Variants in ANKRD44 observed in about 807,000 individuals in gnomAD.
The protein encoded by ANKRD44 is serine/threonine-protein phosphatase 6 regulatory ankyrin repeat subunit B.
Under a neutral mutation model 116.0 loss-of-function variants are expected in ANKRD44, and 35 were observed. The observed-to-expected ratio is 0.30, with a 90% CI of 0.23 to 0.40. The LOEUF (loss-of-function observed/expected upper bound fraction) is 0.40. Among genes scored for constraint, ANKRD44 ranks in the 10% least tolerant of loss-of-function variants. ANKRD44 has a pLI of 1.00. For missense variants in ANKRD44, 1,014 were observed against 1,242.6 expected (o/e 0.82, Z 2.77); for synonymous variants, 435 against 461.8 (o/e 0.94, Z 0.74).
intron 1 of ANKRD44, among the ~76,000 whole-genome samples, chr2:197,224,778 T>C (rs967338778): frequency 6.6e-6 from 1 of 152,240 alleles, no homozygotes; most frequent in African/African-American, 2.4e-5. Flanking sequence ...TTGGTAATGA[T>C]GATAAACATT....
chr2:196,995,460 C>A lies in ANKRD44; in HGVS notation c.2750G>T (p.Gly917Val). The change falls in exon 26 of 28, where the codon GGT becomes GTT. Residue 917 changes from glycine (G) to valine (V), a missense_variant and splice_region_variant. Coordinates refer to ENST00000282272, the MANE Select transcript of ANKRD44 (RefSeq NM_001195144.2). ...TATTAACAAGGCACATTTTTCATGA[C>A]CCTAATAAAGAAAAAGAATGATAAG... ...NTPLHLACSK[G>V]HEKCALLILD... 1 of 1,597,230 alleles carries A rather than the reference C, an allele frequency of 6.3e-7. No individual in the cohort carries two copies. The highest frequency in any genetic ancestry group is 8.5e-7 in the Non-Finnish European group (1 of 1,171,126).
chr2:197,290,797 G>T (rs1018643273), intron 1 of ANKRD44, among the ~76,000 whole-genome samples: 9 of 148,926 alleles, frequency 6.0e-5, no homozygotes, highest in Non-Finnish European at 1.0e-4. Flanking sequence ...TTTTTTGTTT[G>T]TTTGTTTTTT....
At chr2:197,202,602 T>C (rs1267399086) in intron 1 of ANKRD44, among the ~76,000 whole-genome samples, 1 of 151,338 alleles carries the variant, frequency 6.6e-6, no homozygotes. Context: ...AGATAGGGTC[T>C]TGCTCTGTCC....
intron 2 of ANKRD44, among the ~76,000 whole-genome samples, chr2:197,154,219 G>T (rs1203571664): frequency 4.1e-5 from 5 of 122,498 alleles, no homozygotes; most frequent in Non-Finnish European, 7.9e-5. Flanking sequence ...TCGCTCTGTC[G>T]CCCAGGCTGG....
intron 2 of ANKRD44, among the ~76,000 whole-genome samples, chr2:197,153,594 T>C (rs1380051890): frequency 1.3e-5 from 2 of 152,172 alleles, no homozygotes; most frequent in African/African-American, 2.4e-5. Context: ...AGAAAACAAA[T>C]GCCATGCTTC....
chr2:197,247,860 A>G (rs1266295148), intron 1 of ANKRD44, among the ~76,000 whole-genome samples: 3 of 152,214 alleles, frequency 2.0e-5, no homozygotes, highest in African/African-American at 7.2e-5. Context: ...CCAAGAGTCC[A>G]AACTAGGCTG....
chr2:197,092,962 T>C (rs1458165839), intron 10 of ANKRD44, among the ~76,000 whole-genome samples: 3 of 152,198 alleles, frequency 2.0e-5, no homozygotes, highest in African/African-American at 7.2e-5. Context: ...AAGGCAAAAC[T>C]ATGTGATTAA....
At chr2:196,982,107 A>ATT (rs200023514), downstream of ANKRD44, among the ~76,000 whole-genome samples, 660 of 10,832 alleles carry the variant, frequency 0.061, 39 homozygotes, top group East Asian at 0.2. Context: ...ACTAAAAAAA[A>ATT]TTATATATAT....
chr2:197,191,043 A>G (rs1304389199), intron 1 of ANKRD44, among the ~76,000 whole-genome samples: 1 of 152,256 alleles, frequency 6.6e-6, no homozygotes, highest in Non-Finnish European at 1.5e-5. Flanking sequence ...ATCATTGATC[A>G]TCATCCCCTA....
At chr2:197,225,047 G>A (rs113882589) in intron 1 of ANKRD44, among the ~76,000 whole-genome samples, 7 of 152,298 alleles carry the variant, frequency 4.6e-5, no homozygotes, top group African/African-American at 1.4e-4. Flanking sequence ...TGTGTGTGAT[G>A]GGGAGGGAGA....
At chr2:197,101,277 A>G (rs1312323855) in intron 9 of ANKRD44, among the ~76,000 whole-genome samples, 1 of 152,098 alleles carries the variant, frequency 6.6e-6, no homozygotes, top group African/African-American at 2.4e-5. Flanking sequence ...TTGGAGCCCA[A>G]ATCACGAGTT....
intron 20 of ANKRD44, among the ~76,000 whole-genome samples, 182 bp downstream of exon 20, chr2:197,007,624 C>T (rs532137564): frequency 5.9e-5 from 9 of 152,238 alleles, no homozygotes; most frequent in East Asian, 5.8e-4. Context: ...TTTGCCTTTG[C>T]CAAGGATTTT....
chr2:197,206,419 C>T (rs565794993), intron 1 of ANKRD44, among the ~76,000 whole-genome samples: 1 of 152,272 alleles, frequency 6.6e-6, no homozygotes, highest in South Asian at 2.1e-4. Context: ...CGTAGTGGCT[C>T]GTGCCTGTAA....
chr2:197,108,410 A>G (rs551815956), intron 9 of ANKRD44, among the ~76,000 whole-genome samples: 2 of 152,320 alleles, frequency 1.3e-5, no homozygotes, highest in Admixed American at 6.5e-5. Context: ...ATCCTTATCA[A>G]TTCAGGCCCC....
At chr2:197,291,375 T>C (rs1318257118) in intron 1 of ANKRD44, among the ~76,000 whole-genome samples, 6 of 152,066 alleles carry the variant, frequency 3.9e-5, no homozygotes, top group African/African-American at 1.4e-4. Flanking sequence ...CTGGGCATGG[T>C]GGTGGGCCCC....
intron 21 of ANKRD44, among the ~76,000 whole-genome samples, chr2:196,980,385 A>G (rs1053743594): frequency 2.0e-5 from 3 of 152,254 alleles, no homozygotes; most frequent in Non-Finnish European, 4.4e-5. Context: ...AGAATGTGAA[A>G]TAAAACATGG....
At chr2:197,275,140 G>A (rs1446645618) in intron 1 of ANKRD44, among the ~76,000 whole-genome samples, 1 of 150,820 alleles carries the variant, frequency 6.6e-6, no homozygotes, top group Admixed American at 6.6e-5. Flanking sequence ...ACAGACTCTC[G>A]CTCTGTCACC....
At chr2:197,145,881 T>C (rs2079489034) in intron 3 of ANKRD44, among the ~76,000 whole-genome samples, 1 of 152,180 alleles carries the variant, frequency 6.6e-6, no homozygotes, top group Admixed American at 6.5e-5. Context: ...GACTAGTCTG[T>C]AGGCAGTGGC....
chr2:197,278,788 G>C (rs904040399), intron 1 of ANKRD44, among the ~76,000 whole-genome samples: 1 of 152,176 alleles, frequency 6.6e-6, no homozygotes, highest in Non-Finnish European at 1.5e-5. Context: ...ATTGCGACAC[G>C]TAGGTCGCCA....
Sources: allele counts gnomAD v4.1 joint callset (sites outside exome capture counted in the v4.1 genomes callset), GRCh38; gene constraint gnomAD v4.1.1; transcripts MANE v1.5; gene names NCBI Gene and HGNC (gene_info 2026-07-23, HGNC 2026-07-21).